The following MED27 variants were observed in gnomAD, a reference collection of about 807,000 sequenced individuals.
MED27 encodes the protein mediator of RNA polymerase II transcription subunit 27.
In MED27, 30 loss-of-function variants were observed where a neutral mutation model predicts 38.2. The observed-to-expected ratio is 0.79, with a 90% CI of 0.59 to 1.07. The LOEUF is 1.07. Ranked by LOEUF, MED27 falls within the 50% of genes least tolerant of loss-of-function variation. MED27 has a pLI of 0.00. For missense variants in MED27, 289 were observed against 397.5 expected (o/e 0.73, Z 2.32); for synonymous variants, 122 against 153.5 (o/e 0.79, Z 1.52).
chr9:131,939,560 A>G (rs1805500676), intron 3 of MED27, 86 bp from the exon 4 acceptor site: 1 of 787,796 alleles, frequency 1.3e-6, no homozygotes, highest in Admixed American at 3.1e-5. Flanking sequence ...ATTGCTTTTA[A>G]ATATAATTTT....
chr9:131,898,030 G>C (rs1051309817), intron 4 of MED27, among the ~76,000 whole-genome samples: 2 of 151,748 alleles, frequency 1.3e-5, no homozygotes, highest in African/African-American at 4.8e-5. Context: ...GCATCCCAGT[G>C]GTATACTTTA....
chr9:131,968,067 G>T (rs1449989823), intron 3 of MED27, among the ~76,000 whole-genome samples: 1 of 151,814 alleles, frequency 6.6e-6, no homozygotes, highest in East Asian at 1.9e-4. Flanking sequence ...TGATCCGCTC[G>T]CTTTGGCCTC....
In MED27 at chr9:132,014,884, T is replaced by G. The variant is rs62581891; in HGVS notation, c.349-417A>C. On this transcript the variant is annotated intron_variant, in intron 2 of 7. Coordinates refer to ENST00000292035, the MANE Select transcript of MED27 (RefSeq NM_004269.4). ...TCAGTAGTAGAATTCGAGTGATTTTTACTTTCTTCTTTATTTTTGACTACT... is the reference window on the plus strand; with the variant it reads ...TCAGTAGTAGAATTCGAGTGATTTTGACTTTCTTCTTTATTTTTGACTACT... Among the ~76,000 whole-genome samples the G allele has an allele frequency of 7.1e-3, 1,082 of 152,382 alleles. 7 individuals carry two copies. The highest frequency in any genetic ancestry group is 0.012 in the Non-Finnish European group (789 of 68,036).
At chr9:131,986,456 A>G (rs1308928101) in intron 3 of MED27, among the ~76,000 whole-genome samples, 7 of 152,172 alleles carry the variant, frequency 4.6e-5, no homozygotes, top group Admixed American at 6.5e-5. Context: ...TACTGGGATT[A>G]CAGGCATGAG....
At chr9:132,000,896 TAAAC>T (rs537351772) in intron 3 of MED27, among the ~76,000 whole-genome samples, 48 of 151,790 alleles carry the variant, frequency 3.2e-4, no homozygotes, top group African/African-American at 9.4e-4. Context: ...AAAAGCCAGA[TAAAC>T]AAACAAACAA....
intron 2 of MED27, among the ~76,000 whole-genome samples, chr9:132,071,556 A>G (rs755071634): frequency 6.6e-6 from 1 of 151,952 alleles, no homozygotes; most frequent in Non-Finnish European, 1.5e-5. Context: ...ATGAACGAGC[A>G]CACCAAACAC....
At chr9:131,907,598 C>T (rs561439925) in intron 4 of MED27, among the ~76,000 whole-genome samples, 7 of 152,266 alleles carry the variant, frequency 4.6e-5, no homozygotes, top group South Asian at 4.1e-4. Context: ...CCTGCCTTGG[C>T]CCCCCAAAGT....
intron 5 of MED27, among the ~76,000 whole-genome samples, chr9:131,890,472 T>C (rs1055976724): frequency 2.0e-5 from 3 of 152,244 alleles, no homozygotes; most frequent in Non-Finnish European, 4.4e-5. Flanking sequence ...CAGGAGGGCC[T>C]GAGGTCTCCC....
chr9:131,972,700 C>T (rs1831505853), intron 3 of MED27, among the ~76,000 whole-genome samples: 2 of 152,114 alleles, frequency 1.3e-5, no homozygotes, highest in African/African-American at 4.8e-5. Context: ...CAAGAAGACC[C>T]CTGGTAACAT....
Position 132,023,366 on chromosome 9 carries a change from T to C in MED27, c.349-8899A>G, listed in dbSNP as rs542339100. On this transcript the variant is annotated intron_variant, in intron 2 of 7. Transcript: ENST00000292035. ...ACTAATAAACATGATTTTTTGAAAA[T>C]TGCCAATCTGATATTTTATAAACTT... 5.3e-5 allele frequency among the ~76,000 whole-genome samples: 8 copies of C among 152,288 alleles called. No individual in the cohort carries two copies. The South Asian group carries it at 6.2e-4, about 12-fold the overall frequency.
At chr9:131,926,388 A>G (rs1564285833) in intron 4 of MED27, among the ~76,000 whole-genome samples, 1 of 152,170 alleles carries the variant, frequency 6.6e-6, no homozygotes, top group Non-Finnish European at 1.5e-5. Flanking sequence ...AATTCTCAAA[A>G]TGTACTCCAC....
intron 3 of MED27, among the ~76,000 whole-genome samples, chr9:131,969,820 TCTC>T (rs1362432329): frequency 2.6e-5 from 4 of 152,060 alleles, no homozygotes; most frequent in Non-Finnish European, 4.4e-5. Flanking sequence ...TCTCTCTAAA[TCTC>T]CTCCTGGAAA....
At chr9:131,871,725 T>C (rs1838838331) in intron 6 of MED27, among the ~76,000 whole-genome samples, 1 of 152,104 alleles carries the variant, frequency 6.6e-6, no homozygotes. Context: ...AGTTTTTTAA[T>C]TTTTAGTAAA....
intron 5 of MED27, among the ~76,000 whole-genome samples, chr9:131,888,570 T>C (rs556933123): frequency 6.6e-6 from 1 of 152,164 alleles, no homozygotes; most frequent in Non-Finnish European, 1.5e-5. Flanking sequence ...TATCAGAAAG[T>C]TATCAATACT....
At chr9:131,964,288 G>T (rs1831285466) in intron 3 of MED27, among the ~76,000 whole-genome samples, 2 of 60 alleles carry the variant, frequency 0.033, no homozygotes, top group South Asian at 0.25. Flanking sequence ...TGATGGTGGT[G>T]GTTGATAGCG....
intron 3 of MED27, among the ~76,000 whole-genome samples, chr9:131,944,481 T>C (rs114450512): frequency 0.019 from 2,933 of 152,242 alleles, 34 homozygotes; most frequent in Middle Eastern, 0.034. Flanking sequence ...GAATGGACTT[T>C]ATAAAAGACT....
At chr9:132,064,347 A>T (rs1041260837) in intron 2 of MED27, among the ~76,000 whole-genome samples, 3 of 152,194 alleles carry the variant, frequency 2.0e-5, no homozygotes, top group Non-Finnish European at 4.4e-5. Flanking sequence ...GGAGATGTAA[A>T]CAGACCCAGT....
chr9:132,036,094 A>G (rs969604158), intron 2 of MED27, among the ~76,000 whole-genome samples: 3 of 152,242 alleles, frequency 2.0e-5, no homozygotes, highest in African/African-American at 7.2e-5. Context: ...TGAAAAAGCA[A>G]GAAAACAAAA....
chr9:131,980,449 C>G (rs1265142048), intron 3 of MED27, among the ~76,000 whole-genome samples: 1 of 152,178 alleles, frequency 6.6e-6, no homozygotes, highest in East Asian at 1.9e-4. Context: ...TGAAAACAGA[C>G]TGGCAGGCAC....
Sources: gnomAD v4.1 joint callset for allele counts (sites outside exome capture counted in the v4.1 genomes callset) on GRCh38, gnomAD v4.1.1 for gene constraint, MANE v1.5 for transcripts, NCBI Gene and HGNC (gene_info 2026-07-23, HGNC 2026-07-21) for gene names.